The following MYO5C variants were observed in gnomAD, a reference collection of about 807,000 sequenced individuals.
MYO5C encodes the protein unconventional myosin-Vc.
MYO5C carries 194 observed loss-of-function variants against 235.7 expected under a neutral mutation model. The observed-to-expected ratio is 0.82, with a 90% confidence interval of 0.73 to 0.93. The LOEUF is 0.93. Among genes scored for constraint, MYO5C ranks in the 40% least tolerant of loss-of-function variants. The pLI, the probability that MYO5C is intolerant of heterozygous loss-of-function variation, is 0.00. For synonymous variants in MYO5C, 707 were observed against 754.8 expected (o/e 0.94, Z 1.04); for missense variants, 2,038 against 2,127.2 (o/e 0.96, Z 0.82).
At chr15:52,274,610 A>G (rs2036998265) in intron 5 of MYO5C, among the ~76,000 whole-genome samples, 3 of 151,662 alleles carry the variant, frequency 2.0e-5, no homozygotes, top group African/African-American at 7.3e-5. Context: ...CTTGGATTGT[A>G]ATTTATGTTT....
chr15:52,196,405 G>C lies in MYO5C; in HGVS notation c.4899C>G (p.Pro1633=). Residue 1633 remains proline, a synonymous_variant, in exon 39 of 41, where the codon CCC becomes CCG. Transcript: ENST00000261839. ...QNSLAKETLE[P]LSQAAWLLQV... Reference sequence around the variant, plus strand: ...GAAGCAACCAGGCTGCCTGAGAGAGGGGCTCCAAAGTTTCCTTTGCTAAGC... The same window carrying C: ...GAAGCAACCAGGCTGCCTGAGAGAGCGGCTCCAAAGTTTCCTTTGCTAAGC... 1.2e-6 allele frequency: 2 copies of C among 1,614,166 alleles called. No individual in the cohort carries two copies. Among genetic ancestry groups the C allele is most frequent in the African/African-American group, 2.7e-5 (2 of 75,040 alleles).
At chr15:52,290,043 G>A (rs1286975439) in intron 1 of MYO5C, among the ~76,000 whole-genome samples, 1 of 151,964 alleles carries the variant, frequency 6.6e-6, no homozygotes, top group East Asian at 1.9e-4. Context: ...CACTCTCCTT[G>A]CCACTTGCCA....
Position 52,251,254 on chromosome 15 carries a change from T to A in MYO5C, c.1662+136A>T, listed in dbSNP as rs867468699. 5.3e-5 allele frequency: 40 copies of A among 754,950 alleles called. No homozygotes were observed. In the African/African-American group the frequency reaches 5.9e-4, roughly 11 times the overall value. 46.8% of individuals were successfully genotyped at this position (754,950 alleles called of 1,614,324 possible). On this transcript the variant is annotated intron_variant, in intron 13 of 40. Transcript: ENST00000261839. ...CTCGCCACAAAAACAAATAAGGAAC[T>A]GTTAAACACACACTCATCAAAGCTA...
chr15:52,214,573 A>G, intron 33 of MYO5C, 30 bp downstream of exon 33: 1 of 1,496,078 alleles, frequency 6.7e-7, no homozygotes, highest in South Asian at 1.2e-5. Context: ...CTTAGCTCAA[A>G]AGAATAAGAA....
intron 1 of MYO5C, among the ~76,000 whole-genome samples, chr15:52,286,362 GA>G (rs1473938639): frequency 1.3e-5 from 2 of 151,800 alleles, no homozygotes; most frequent in African/African-American, 4.8e-5. Flanking sequence ...TCCGGGAGGT[GA>G]GGGGCGCCTC....
intron 1 of MYO5C, among the ~76,000 whole-genome samples, chr15:52,290,152 C>T (rs1243115774): frequency 6.6e-6 from 1 of 152,100 alleles, no homozygotes; most frequent in African/African-American, 2.4e-5. Flanking sequence ...ACTTTAAGAG[C>T]CTGGTCTTTG....
Position 52,260,956 on chromosome 15 carries a change from C to G in MYO5C, c.1219G>C (p.Ala407Pro). 1.2e-6 allele frequency: 2 copies of G among 1,614,218 alleles called. No homozygotes were observed. The highest frequency in any genetic ancestry group is 4.5e-5 in the East Asian group (2 of 44,888). Residue 407 changes from alanine (A) to proline (P), a missense_variant, in exon 10 of 41, where the codon GCT becomes CCT. Physicochemically the swap from Ala to Pro is conservative, Grantham distance 27. Coordinates refer to ENST00000261839, the MANE Select transcript of MYO5C (RefSeq NM_018728.4). ...ARDALAKKIYAHLFDFIVERI... is the reference protein window; with the variant it reads ...ARDALAKKIYPHLFDFIVERI... ...TCCACAATGAAGTCGAACAGGTGAG[C>G]ATAGATCTTTTTGGCCAGTGCATCC...
chr15:52,283,513 C>T (rs770427482), intron 1 of MYO5C, among the ~76,000 whole-genome samples: 3 of 152,012 alleles, frequency 2.0e-5, no homozygotes, highest in African/African-American at 2.4e-5. Context: ...GGCTCAGCGC[C>T]GATGTACAAG....
chr15:52,278,765 A>G (rs1167781121), intron 4 of MYO5C, 108 bp downstream of exon 4: 3 of 1,353,684 alleles, frequency 2.2e-6, no homozygotes, highest in East Asian at 2.3e-5. Flanking sequence ...CCTCTGGCCT[A>G]TCTCTTTTAA....
At chr15:52,242,406 C>A (rs2036245843) in intron 19 of MYO5C, 193 bp from the exon 20 acceptor site, 1 of 572,874 alleles carries the variant, frequency 1.7e-6, no homozygotes, top group Non-Finnish European at 3.0e-6. Flanking sequence ...CTTGAGGAAC[C>A]ACATGGGAAC....
chr15:52,268,658 G>C (rs1378191934), intron 8 of MYO5C, among the ~76,000 whole-genome samples: 1 of 152,182 alleles, frequency 6.6e-6, no homozygotes, highest in Non-Finnish European at 1.5e-5. Flanking sequence ...TACAGAATGA[G>C]AGAGTGAATG....
intron 21 of MYO5C, among the ~76,000 whole-genome samples, 165 bp from the exon 22 acceptor site, chr15:52,237,811 C>T (rs2036123727): frequency 6.6e-6 from 1 of 152,136 alleles, no homozygotes; most frequent in South Asian, 2.1e-4. Context: ...TGTGGTGAAA[C>T]AGTATGGCAG....
At chr15:52,265,556 T>C (rs1429676504) in intron 8 of MYO5C, among the ~76,000 whole-genome samples, 1 of 147,100 alleles carries the variant, frequency 6.8e-6, no homozygotes, top group Non-Finnish European at 1.5e-5. Context: ...TTTTTTTTTT[T>C]GAGACAAGGT....
chr15:52,221,192 G>A lies in MYO5C; in HGVS notation c.3691C>T (p.Arg1231Cys), dbSNP rs760827754. The A allele has an allele frequency of 2.7e-5, 43 of 1,612,662 alleles. No individual in the cohort carries two copies. Among genetic ancestry groups the A allele is most frequent in the East Asian group, 2.2e-4 (10 of 44,832 alleles). The change falls in exon 30 of 41, where the codon CGC becomes TGC. Residue 1231 changes from arginine (R) to cysteine (C), a missense_variant. By Grantham distance (180) the Arg-to-Cys change is radical (BLOSUM62 -3). Transcript: ENST00000261839. ...LEKQKQDLEIRLNEQAEKMKG... is the reference protein window; with the variant it reads ...LEKQKQDLEICLNEQAEKMKG... ...ATTTTCTCAGCTTGTTCATTCAGGC[G>A]GATTTCAAGATCTTGCTTCTGTTTC... is the stretch of plus-strand genomic sequence containing the variant.
intron 12 of MYO5C, among the ~76,000 whole-genome samples, chr15:52,251,757 T>G (rs1057192981): frequency 4.6e-5 from 7 of 152,014 alleles, no homozygotes; most frequent in African/African-American, 1.7e-4. Flanking sequence ...CTCTGCCTCC[T>G]GGGTTCAAGC....
At chr15:52,213,429 G>T in intron 33 of MYO5C, 143 bp from the exon 34 acceptor site, 2 of 597,128 alleles carry the variant, frequency 3.3e-6, no homozygotes, top group Non-Finnish European at 6.0e-6. Context: ...GTACTGTATT[G>T]TATCCTGAAG....
chr15:52,289,179 G>T lies in MYO5C; in HGVS notation c.28-6287C>A, dbSNP rs552957600. ...CATGGGCCCCTCCCCTGGCTCCCCT[G>T]CCCCTCCCACTGCCCCCCATGTCCG... On this transcript the variant is annotated intron_variant, in intron 1 of 40. Transcript: ENST00000261839. Among the ~76,000 whole-genome samples the T allele has an allele frequency of 5.6e-5, 7 of 125,878 alleles. No individual in the cohort carries two copies. The South Asian group carries it at 1.5e-3, about 26-fold the overall frequency. 82.6% of individuals were successfully genotyped at this position (125,878 alleles called of 152,430 possible). A position where few individuals can be genotyped will look rare whatever the true frequency, so the allele number is the denominator to read the frequency against.
At chr15:52,272,527 T>C in intron 6 of MYO5C, 53 bp downstream of exon 6, 5 of 1,572,606 alleles carry the variant, frequency 3.2e-6, no homozygotes, top group Non-Finnish European at 3.5e-6. Context: ...ATAATAAGTA[T>C]GTAAATGTAA....
intron 18 of MYO5C, among the ~76,000 whole-genome samples, chr15:52,245,057 T>C (rs987131246): frequency 1.3e-4 from 20 of 152,234 alleles, no homozygotes; most frequent in African/African-American, 4.8e-4. Flanking sequence ...ACAACCCCAG[T>C]TGACCATATC....
Sources: allele counts gnomAD v4.1 joint callset (sites outside exome capture counted in the v4.1 genomes callset), GRCh38; gene constraint gnomAD v4.1.1; transcripts MANE v1.5; gene names NCBI Gene and HGNC (gene_info 2026-07-23, HGNC 2026-07-21).